Variants in PACRG observed in about 807,000 individuals in gnomAD.
PACRG encodes the protein parkin coregulated gene protein.
A neutral mutation model predicts 29.7 loss-of-function variants in PACRG; 29 were observed. The ratio of observed to expected loss-of-function variants is 0.98; its 90% CI spans 0.73 to 1.33. The LOEUF (loss-of-function observed/expected upper bound fraction) is 1.33, where lower values mean the gene tolerates loss of function less well. Ranked by LOEUF, PACRG falls within the 40% of genes most tolerant of loss-of-function variation. The probability of loss-of-function intolerance (pLI) is 0.00; values close to 1 mark genes in which losing one functional copy is unlikely to be tolerated. For missense variants in PACRG, 279 were observed against 316.2 expected (o/e 0.88, Z 0.89); for synonymous variants, 116 against 118.7 (o/e 0.98, Z 0.15).
intron 1 of PACRG, among the ~76,000 whole-genome samples, chr6:162,730,718 T>C (rs191603939): frequency 7.9e-5 from 12 of 152,200 alleles, no homozygotes; most frequent in Admixed American, 5.2e-4. Flanking sequence ...TTTTCTTCAA[T>C]AGAAACTAGA....
chr6:163,046,580 A>G (rs1260862587), intron 2 of PACRG: 2 of 152,054 alleles, frequency 1.3e-5, no homozygotes, highest in Non-Finnish European at 2.9e-5. Context: ...ATTTCACTAC[A>G]TACCAGTGAT....
At chr6:162,743,169 T>C (rs1292621040) in intron 1 of PACRG, among the ~76,000 whole-genome samples, 1 of 152,208 alleles carries the variant, frequency 6.6e-6, no homozygotes, top group African/African-American at 2.4e-5. Flanking sequence ...GAATGTCTTA[T>C]TTTGACAAAT....
chr6:163,178,601 G>A (rs557002327), intron 4 of PACRG, among the ~76,000 whole-genome samples: 2 of 152,310 alleles, frequency 1.3e-5, no homozygotes, highest in South Asian at 4.1e-4. Context: ...TTTCTGACAG[G>A]AGAGAAATTA....
chr6:162,962,877 C>A (rs1000508869), intron 2 of PACRG, among the ~76,000 whole-genome samples: 2 of 152,100 alleles, frequency 1.3e-5, no homozygotes, highest in African/African-American at 4.8e-5. Context: ...GTATTCCTGA[C>A]GATGAACGTG....
chr6:163,237,415 C>T (rs1273587166), intron 4 of PACRG, among the ~76,000 whole-genome samples: 1 of 152,216 alleles, frequency 6.6e-6, no homozygotes. Flanking sequence ...TTTTTATATA[C>T]ATATTTTCTA....
intron 2 of PACRG, among the ~76,000 whole-genome samples, chr6:162,938,772 A>T (rs1798412195): frequency 6.6e-6 from 1 of 152,014 alleles, no homozygotes; most frequent in South Asian, 2.1e-4. Context: ...GCATTTTTTC[A>T]TATGTTTGTT....
Position 163,186,616 on chromosome 6 carries a change from T to C in PACRG, c.613+97208T>C, listed in dbSNP as rs537799821. Among the ~76,000 whole-genome samples the C allele has an allele frequency of 3.3e-5, 5 of 152,302 alleles. No individual in the cohort carries two copies. In the South Asian group the frequency reaches 1.0e-3, roughly 32 times the overall value. ...GGCCGCTTCTGGCAGCCTCTTCCCC[T>C]GGACACACCCTATCTCCCTGCCCAG... is the stretch of plus-strand genomic sequence containing the variant. On this transcript the variant is annotated intron_variant, in intron 4 of 4. Coordinates refer to ENST00000366888, the MANE Select transcript of PACRG (RefSeq NM_001080379.2).
intron 2 of PACRG, among the ~76,000 whole-genome samples, chr6:162,913,428 A>G (rs1007320616): frequency 6.6e-6 from 1 of 152,212 alleles, no homozygotes; most frequent in Non-Finnish European, 1.5e-5. Context: ...TTTATTGTAT[A>G]GAAATAGCAT....
intron 1 of PACRG, among the ~76,000 whole-genome samples, chr6:162,780,265 A>C (rs1267273908): frequency 6.6e-6 from 1 of 152,178 alleles, no homozygotes; most frequent in Non-Finnish European, 1.5e-5. Context: ...ATCCTCCCAC[A>C]CTAAGAGGGA....
At chr6:163,290,306 A>G (rs1375737828) in intron 4 of PACRG, among the ~76,000 whole-genome samples, 1 of 151,364 alleles carries the variant, frequency 6.6e-6, no homozygotes, top group African/African-American at 2.4e-5. Context: ...ACACACACAC[A>G]CACACACACA....
intron 2 of PACRG, among the ~76,000 whole-genome samples, chr6:162,925,222 T>G (rs1277510069): frequency 6.6e-6 from 1 of 152,144 alleles, no homozygotes; most frequent in Non-Finnish European, 1.5e-5. Flanking sequence ...CACAGCCAAA[T>G]TCTGCTAGAG....
At chr6:162,901,192 G>A (rs1045258090) in intron 2 of PACRG, among the ~76,000 whole-genome samples, 1 of 152,208 alleles carries the variant, frequency 6.6e-6, no homozygotes, top group African/African-American at 2.4e-5. Context: ...TCGGCTCTAG[G>A]AGATGGAACC....
At chr6:162,799,474 T>C (rs1785667321) in intron 1 of PACRG, among the ~76,000 whole-genome samples, 1 of 152,172 alleles carries the variant, frequency 6.6e-6, no homozygotes, top group African/African-American at 2.4e-5. Flanking sequence ...GTAAGTGTGC[T>C]TTATGTGTGT....
chr6:163,144,778 A>T (rs1015546113), intron 4 of PACRG, among the ~76,000 whole-genome samples: 1 of 152,200 alleles, frequency 6.6e-6, no homozygotes, highest in Non-Finnish European at 1.5e-5. Context: ...CAAAAGAAAA[A>T]AAAAGTAAGC....
intron 2 of PACRG, among the ~76,000 whole-genome samples, chr6:162,934,269 A>T (rs4708978): frequency 0.56 from 84,231 of 151,728 alleles, 23,791 homozygotes; most frequent in Middle Eastern, 0.72. Flanking sequence ...TCAAAAAAAA[A>T]AAATAAATAA....
Position 163,204,750 on chromosome 6 carries a change from A to G in PACRG, c.614-110077A>G, listed in dbSNP as rs77693020. Among the ~76,000 whole-genome samples, 196 of 152,292 alleles carry G rather than the reference A, an allele frequency of 1.3e-3. 1 individual carries two copies. The highest frequency in any genetic ancestry group is 4.6e-3 in the African/African-American group (190 of 41,552). Reference sequence around the variant, plus strand: ...CCTGACCAGGGCAATCGGGCATGAGAAAGAAAGAAAAAGAGAGGAAGTCAA... The same window carrying G: ...CCTGACCAGGGCAATCGGGCATGAGGAAGAAAGAAAAAGAGAGGAAGTCAA... On this transcript the variant is annotated intron_variant, in intron 4 of 4. Transcript: ENST00000366888.
At chr6:162,883,072 A>G (rs896813248) in intron 2 of PACRG, among the ~76,000 whole-genome samples, 5 of 152,178 alleles carry the variant, frequency 3.3e-5, no homozygotes, top group Non-Finnish European at 7.3e-5. Context: ...ATATGTATTC[A>G]GTTATTATTT....
intron 2 of PACRG, among the ~76,000 whole-genome samples, chr6:162,871,151 T>C (rs1169255427): frequency 2.0e-5 from 3 of 152,220 alleles, no homozygotes; most frequent in Non-Finnish European, 4.4e-5. Flanking sequence ...TTTGTAAACA[T>C]TGTAACTGTG....
chr6:163,135,620 G>T (rs148294257), intron 4 of PACRG, among the ~76,000 whole-genome samples: 227 of 152,102 alleles, frequency 1.5e-3, no homozygotes, highest in African/African-American at 5.1e-3. Flanking sequence ...ATCTTCTTCC[G>T]CATTTCTCTT....
Sources: allele counts gnomAD v4.1 joint callset (sites outside exome capture counted in the v4.1 genomes callset), GRCh38; gene constraint gnomAD v4.1.1; transcripts MANE v1.5; gene names NCBI Gene and HGNC (gene_info 2026-07-23, HGNC 2026-07-21).